Variants in ATF6 observed in about 807,000 individuals in gnomAD.
ATF6 encodes activating transcription factor 6.
A neutral mutation model predicts 83.6 loss-of-function variants in ATF6; 53 were observed. The ratio of observed to expected loss-of-function variants is 0.63; its 90% CI spans 0.51 to 0.80. The LOEUF is 0.80. Among genes scored for constraint, ATF6 ranks in the 30% least tolerant of loss-of-function variants. The probability of loss-of-function intolerance (pLI) is 0.00; values close to 1 mark genes in which losing one functional copy is unlikely to be tolerated. For missense variants in ATF6, 744 were observed against 797.9 expected, an observed-to-expected ratio of 0.93 and a Z score of 0.81; for synonymous variants, 288 against 285.8, an observed-to-expected ratio of 1.01 and a Z score of -0.08.
At chr1:161,916,124 T>G (rs920525272) in intron 15 of ATF6, among the ~76,000 whole-genome samples, 5 of 152,178 alleles carry the variant, frequency 3.3e-5, no homozygotes, top group African/African-American at 1.2e-4. Context: ...GCCCTTCCAC[T>G]CCACTGAAAT....
At position 161,851,703 on chromosome 1, in the gene ATF6, T is replaced by C. The variant is rs1281888798; in HGVS notation, c.1320-19T>C. 1.3e-6 allele frequency: 2 copies of C among 1,569,034 alleles called. No individual in the cohort carries two copies. Among genetic ancestry groups the C allele is most frequent in the African/African-American group, 2.7e-5 (2 of 74,130 alleles). On this transcript the variant is annotated intron_variant, in intron 10 of 15. Coordinates refer to ENST00000367942, the MANE Select transcript of ATF6 (RefSeq NM_007348.4). ...AATTTAAGATACAAGGAAACAAATT[T>C]TGTGCATCCATGTTTCAGATATGAT...
intron 9 of ATF6, among the ~76,000 whole-genome samples, chr1:161,843,583 C>A (rs1416277508): frequency 6.6e-6 from 1 of 152,172 alleles, no homozygotes; most frequent in Non-Finnish European, 1.5e-5. Context: ...CTTTGAGCTT[C>A]AACTTCCTTT....
intron 15 of ATF6, among the ~76,000 whole-genome samples, chr1:161,952,307 G>A (rs116103511): frequency 0.013 from 1,917 of 152,150 alleles, 46 homozygotes; most frequent in African/African-American, 0.043. Context: ...AAACTCAGAC[G>A]TGTGTGCAAC....
rs748192891 is a variant in ATF6 at position 161,853,312 on chromosome 1, C to T, written c.1522C>T (p.Arg508Cys). Residue 508 changes from arginine to cysteine, a missense_variant, in exon 12 of 16, where the codon CGT becomes TGT. Coordinates refer to ENST00000367942, the MANE Select transcript of ATF6 (RefSeq NM_007348.4). ...RRMTNNQQKT[R>C]ILQGALEQGS... is the part of the protein sequence containing the mutation. ...AATGACAAATAATCAACAGAAAACC[C>T]GTATTCTTCAGGTATGTTTCTGTTT... is the stretch of plus-strand genomic sequence containing the variant. 2.5e-6 allele frequency: 4 copies of T among 1,611,456 alleles called. No individual in the cohort carries two copies. The South Asian group carries it at 3.3e-5, about 13-fold the overall frequency.
intron 14 of ATF6, among the ~76,000 whole-genome samples, chr1:161,906,536 A>T (rs1571228116): frequency 6.6e-6 from 1 of 152,322 alleles, no homozygotes; most frequent in East Asian, 1.9e-4. Context: ...TGTGGGGGAC[A>T]TCCTACAGAG....
At chr1:161,835,880 G>A (rs551823271) in intron 9 of ATF6, among the ~76,000 whole-genome samples, 39 of 152,290 alleles carry the variant, frequency 2.6e-4, no homozygotes, top group South Asian at 8.3e-4. Context: ...TACTAAGGAG[G>A]TTTTAAATAT....
At chr1:161,889,816 TG>T (rs759214779) in intron 14 of ATF6, among the ~76,000 whole-genome samples, 2 of 152,178 alleles carry the variant, frequency 1.3e-5, no homozygotes, top group Non-Finnish European at 2.9e-5. Flanking sequence ...GGAAGGAAAA[TG>T]AATATAAATA....
chr1:161,919,559 T>C (rs142524493), intron 15 of ATF6, among the ~76,000 whole-genome samples: 56 of 152,364 alleles, frequency 3.7e-4, no homozygotes, highest in African/African-American at 1.2e-3. Context: ...ACTTTGTAGA[T>C]ATCTTTCATA....
intron 9 of ATF6, among the ~76,000 whole-genome samples, chr1:161,841,447 C>CA (rs1445442575): frequency 6.6e-6 from 1 of 151,964 alleles, no homozygotes; most frequent in Non-Finnish European, 1.5e-5. Flanking sequence ...AAAAAAACTA[C>CA]AGGGAATGTA....
At chr1:161,879,987 T>C (rs1329979368) in intron 14 of ATF6, among the ~76,000 whole-genome samples, 1 of 152,152 alleles carries the variant, frequency 6.6e-6, no homozygotes, top group Non-Finnish European at 1.5e-5. Context: ...TTAGTGCTTA[T>C]CTTGGGTATC....
intron 14 of ATF6, 110 bp downstream of exon 14, chr1:161,863,422 A>G (rs1421041645): frequency 8.3e-6 from 6 of 724,960 alleles, no homozygotes; most frequent in African/African-American, 5.3e-5. Flanking sequence ...AGGAAGCAAT[A>G]TAAAATAAAT....
intron 9 of ATF6, among the ~76,000 whole-genome samples, chr1:161,841,326 A>G (rs1311235114): frequency 2.6e-5 from 4 of 152,184 alleles, no homozygotes; most frequent in African/African-American, 9.6e-5. Flanking sequence ...GATGGTTAAA[A>G]TTAGTTTCTG....
At chr1:161,811,299 G>T (rs1320949612) in intron 7 of ATF6, among the ~76,000 whole-genome samples, 1 of 152,186 alleles carries the variant, frequency 6.6e-6, no homozygotes, top group African/African-American at 2.4e-5. Flanking sequence ...AATATTAATT[G>T]TTAGCAGGAG....
At chr1:161,784,603 C>T (rs1309204218) in intron 4 of ATF6, among the ~76,000 whole-genome samples, 1 of 151,940 alleles carries the variant, frequency 6.6e-6, no homozygotes, top group African/African-American at 2.4e-5. Context: ...AGACAAAAGC[C>T]CTGAGGCCAG....
At chr1:161,818,491 G>A (rs1223144491) in intron 7 of ATF6, among the ~76,000 whole-genome samples, 7 of 152,288 alleles carry the variant, frequency 4.6e-5, no homozygotes, top group Middle Eastern at 3.4e-3. Flanking sequence ...GAAAGAGAGA[G>A]AGAGTTAACA....
intron 15 of ATF6, among the ~76,000 whole-genome samples, chr1:161,923,719 AC>A (rs1688258564): frequency 6.6e-6 from 1 of 152,164 alleles, no homozygotes; most frequent in Non-Finnish European, 1.5e-5. Context: ...CCTTCACAAG[AC>A]CCCAGAGGTT....
chr1:161,841,281 T>C (rs1431049907), intron 9 of ATF6, among the ~76,000 whole-genome samples: 1 of 152,178 alleles, frequency 6.6e-6, no homozygotes, highest in Non-Finnish European at 1.5e-5. Context: ...CAGATGTTAA[T>C]AAAAATAAGG....
chr1:161,921,725 T>C (rs1257360152), intron 15 of ATF6, among the ~76,000 whole-genome samples: 5 of 152,214 alleles, frequency 3.3e-5, no homozygotes, highest in Non-Finnish European at 7.3e-5. Context: ...CAGATTGGTG[T>C]GTATTTCTGT....
intron 9 of ATF6, among the ~76,000 whole-genome samples, chr1:161,831,808 G>T (rs908747810): frequency 7.5e-6 from 1 of 133,832 alleles, no homozygotes; most frequent in Non-Finnish European, 1.6e-5. Context: ...GGTCGGGGGA[G>T]GGGGGAGGGA....
Sources: allele counts gnomAD v4.1 joint callset (sites outside exome capture counted in the v4.1 genomes callset), GRCh38; gene constraint gnomAD v4.1.1; transcripts MANE v1.5; gene names NCBI Gene and HGNC (gene_info 2026-07-23, HGNC 2026-07-21).